The following MYOM1 variants were observed in gnomAD, a reference collection of about 807,000 sequenced individuals.
MYOM1 encodes the protein myomesin-1.
Under a neutral mutation model 205.3 loss-of-function variants are expected in MYOM1, and 164 were observed. That is an observed-to-expected ratio of 0.80 (90% confidence interval 0.70 to 0.91). The LOEUF is 0.91. Ranked by LOEUF, MYOM1 falls within the 40% of genes least tolerant of loss-of-function variation. The probability of loss-of-function intolerance (pLI) is 0.00; values close to 1 mark genes in which losing one functional copy is unlikely to be tolerated. For missense variants in MYOM1, 2,011 were observed against 2,127.3 expected, an observed-to-expected ratio of 0.95 and a Z score of 1.08; for synonymous variants, 772 against 789.4, an observed-to-expected ratio of 0.98 and a Z score of 0.37.
chr18:3,215,323 T>C, intron 1 of MYOM1, 72 bp from the exon 2 acceptor site: 1 of 1,210,616 alleles, frequency 8.3e-7, no homozygotes, highest in South Asian at 1.5e-5. Context: ...TCTAAATCAA[T>C]GTGTAAAAAT....
In MYOM1 at chr18:3,084,031, T is replaced by C. The variant is rs1340848649; in HGVS notation, c.4340-4A>G. 6.3e-7 allele frequency: 1 copy of C among 1,577,712 alleles called. No homozygotes were observed. Among genetic ancestry groups the C allele is most frequent in the Non-Finnish European group, 8.6e-7 (1 of 1,159,928 alleles). On this transcript the variant is annotated splice_region_variant and splice_polypyrimidine_tract_variant and intron_variant, in intron 31 of 37. Transcript: ENST00000356443. ...TCCATCATCAGTTCCTTAAAGGCTG[T>C]GGAGAGAGATTCAGAGCCAAAACTT... is the stretch of plus-strand genomic sequence containing the variant.
In MYOM1 at chr18:3,087,811, A is replaced by AT. The variant is rs397824486; in HGVS notation, c.4137+1362dup. ...TGCCCCTCCTACTTTTTATTTATTT[A>AT]TTTTTTTTTTTGAGTAGACTAGCGC... On this transcript the variant is annotated intron_variant, in intron 29 of 37. Transcript: ENST00000356443. Among the ~76,000 whole-genome samples the AT allele has an allele frequency of 1.8e-3, 274 of 151,132 alleles. 1 individual carries two copies. Among genetic ancestry groups the AT allele is most frequent in the South Asian group, 6.3e-3 (30 of 4,796 alleles).
At chr18:3,136,955 CTT>C (rs1218905520) in intron 14 of MYOM1, among the ~76,000 whole-genome samples, 6 of 143,550 alleles carry the variant, frequency 4.2e-5, no homozygotes, top group Admixed American at 7.0e-5. Flanking sequence ...TTTCTTTTTT[CTT>C]TTTTTTTTTT....
At chr18:3,148,197 T>C (rs2080157509) in intron 13 of MYOM1, among the ~76,000 whole-genome samples, 1 of 152,134 alleles carries the variant, frequency 6.6e-6, no homozygotes, top group African/African-American at 2.4e-5. Flanking sequence ...AAATTAAGCA[T>C]ACACCTACCA....
chr18:3,183,323 G>C (rs567979972), intron 5 of MYOM1, among the ~76,000 whole-genome samples: 1 of 152,346 alleles, frequency 6.6e-6, no homozygotes, highest in South Asian at 2.1e-4. Flanking sequence ...TCCTGTCTCT[G>C]CACCTGACTT....
At chr18:3,183,205 A>T (rs2080763863) in intron 5 of MYOM1, among the ~76,000 whole-genome samples, 1 of 152,112 alleles carries the variant, frequency 6.6e-6, no homozygotes, top group Admixed American at 6.5e-5. Flanking sequence ...CTGGGATTAC[A>T]GGCGTGGGCC....
In MYOM1 at chr18:3,219,494, A is replaced by G. The variant is rs62076897; in HGVS notation, c.-29+309T>C. Among the ~76,000 whole-genome samples, 1,345 of 152,282 alleles carry G rather than the reference A, an allele frequency of 8.8e-3. 9 individuals carry two copies. Among genetic ancestry groups the G allele is most frequent in the Middle Eastern group, 0.044 (13 of 294 alleles). ...CCATTTCAGATTTCAACCAAACCGT[A>G]CTTGGAAATAGCATTAAACACACGC... is the stretch of plus-strand genomic sequence containing the variant. On this transcript the variant is annotated intron_variant, in intron 1 of 37. Transcript: ENST00000356443. This position sits in a 1 kb window ranked among gnomAD's most constrained non-coding sequence, Gnocchi z 4.4.
At chr18:3,157,201 C>T (rs2080313079) in intron 10 of MYOM1, among the ~76,000 whole-genome samples, 1 of 152,190 alleles carries the variant, frequency 6.6e-6, no homozygotes, top group Non-Finnish European at 1.5e-5. Context: ...CAGGAATACG[C>T]TGTAATGGAG....
chr18:3,208,713 C>CT (rs1428030212), intron 2 of MYOM1, among the ~76,000 whole-genome samples: 7 of 152,008 alleles, frequency 4.6e-5, no homozygotes, highest in African/African-American at 1.7e-4. Context: ...AACTATGATG[C>CT]TTTTTTCTTA....
Position 3,126,842 on chromosome 18 carries a change from C to A in MYOM1, c.2850G>T (p.Met950Ile). Reference sequence around the variant, plus strand: ...TATCTGGTTGCTTCCATCCAAGAACCATTGAGTCACGAAAACTTTCAAGAC... The same window carrying A: ...TATCTGGTTGCTTCCATCCAAGAACAATTGAGTCACGAAAACTTTCAAGAC... ...ITCLESFRDS[M>I]VLGWKQPDKI... The change falls in exon 19 of 38, where the codon ATG becomes ATT. Residue 950 changes from methionine to isoleucine, a missense_variant. Physicochemically the swap from Met to Ile is conservative, Grantham distance 10. Transcript: ENST00000356443. 1.2e-6 allele frequency: 2 copies of A among 1,613,256 alleles called. No homozygotes were observed. Among genetic ancestry groups the A allele is most frequent in the South Asian group, 2.2e-5 (2 of 90,842 alleles).
Position 3,154,811 on chromosome 18 carries a change from GAAGA to G in MYOM1, c.1643+132_1643+135del, listed in dbSNP as rs1196175902. 3.3e-5 allele frequency: 31 copies of G among 934,556 alleles called. No homozygotes were observed. In the African/African-American group the frequency reaches 4.0e-4, roughly 12 times the overall value. The allele number at this position is 934,556 out of a possible 1,614,324, so 57.9% of individuals were successfully genotyped here. ...GAGACAAATAGAGAAAAAGAAAGATGAAGAGAGATACAGAAATAGAAAGAGGAGG... is the reference window on the plus strand; with the variant it reads ...GAGACAAATAGAGAAAAAGAAAGATGGAGATACAGAAATAGAAAGAGGAGG... On this transcript the variant is annotated intron_variant, in intron 11 of 37. Transcript: ENST00000356443.
In MYOM1 at chr18:3,154,467, C is replaced by A. The variant is rs2080263905; in HGVS notation, c.1643+480G>T. The stretch of plus-strand genomic sequence containing the variant: ...TATATATGTATATATATCTACCTAC[C>A]TATTTACCTAAGTTCCAAAGATGAA... On this transcript the variant is annotated intron_variant, in intron 11 of 37. Transcript: ENST00000356443. Among the ~76,000 whole-genome samples, 4 of 151,854 alleles carry A rather than the reference C, an allele frequency of 2.6e-5. No individual in the cohort carries two copies. The South Asian group carries it at 8.3e-4, about 32-fold the overall frequency.
intron 3 of MYOM1, among the ~76,000 whole-genome samples, chr18:3,191,928 C>A (rs1318437524): frequency 5.3e-5 from 8 of 152,080 alleles, no homozygotes; most frequent in East Asian, 1.9e-4. Context: ...AATCTCCTGA[C>A]ATTGTGATCT....
chr18:3,075,559 C>T, intron 35 of MYOM1, 83 bp from the exon 36 acceptor site: 2 of 1,496,030 alleles, frequency 1.3e-6, no homozygotes, highest in East Asian at 4.5e-5. Context: ...CGACATTTTC[C>T]TTGCCTCAGA....
intron 34 of MYOM1, among the ~76,000 whole-genome samples, chr18:3,078,044 ATTTT>A (rs143642028): frequency 1.4e-5 from 2 of 145,900 alleles, no homozygotes; most frequent in East Asian, 4.0e-4. Context: ...TTGAGGTTGT[ATTTT>A]TTTTTTTTTT....
intron 20 of MYOM1, 76 bp downstream of exon 20, chr18:3,119,793 G>A (rs2079657885): frequency 6.5e-7 from 1 of 1,528,234 alleles, no homozygotes; most frequent in African/African-American, 1.4e-5. Flanking sequence ...ATAGTACTTT[G>A]AATTTCATTC....
chr18:3,239,756 C>CAAA, the MYOM1 span, among the ~76,000 whole-genome samples: 18 of 42,210 alleles, frequency 4.3e-4, no homozygotes, highest in South Asian at 1.1e-3. Context: ...CACCTTGTCT[C>CAAA]AAAAAAAAAA....
In MYOM1 at chr18:3,105,310, T is replaced by TA. The variant is rs1356077785; in HGVS notation, c.3419-2681dup. Among the ~76,000 whole-genome samples, 5 of 152,322 alleles carry TA rather than the reference T, an allele frequency of 3.3e-5. No individual in the cohort carries two copies. The South Asian group carries it at 1.0e-3, about 32-fold the overall frequency. ...CTGTGTATTAAATAAAGGTGATACT[T>TA]ACGGCTCTGAGTCACAGAAAAAGGT... On this transcript the variant is annotated intron_variant, in intron 22 of 37. Transcript: ENST00000356443.
At chr18:3,134,939 G>C in intron 15 of MYOM1, 115 bp from the exon 16 acceptor site, 1 of 1,061,704 alleles carries the variant, frequency 9.4e-7, no homozygotes, top group Middle Eastern at 2.2e-4. Flanking sequence ...CAAAAGAACA[G>C]CTGCTTTATT....
Sources: allele counts gnomAD v4.1 joint callset (sites outside exome capture counted in the v4.1 genomes callset), GRCh38; gene constraint gnomAD v4.1.1; non-coding constraint Gnocchi (gnomAD v3.1); transcripts MANE v1.5; gene names NCBI Gene and HGNC (gene_info 2026-07-23, HGNC 2026-07-21).